The following DNER variants were observed in gnomAD, a reference collection of about 807,000 sequenced individuals.
DNER encodes delta/notch like EGF repeat containing, also known as delta and Notch-like epidermal growth factor-related receptor.
Under a neutral mutation model 78.2 loss-of-function variants are expected in DNER, and 33 were observed. The observed-to-expected ratio is 0.42, with a 90% CI of 0.32 to 0.56. The LOEUF (loss-of-function observed/expected upper bound fraction) is 0.56, where lower values mean the gene tolerates loss of function less well. DNER is among the 20% of genes least tolerant of loss of function. The pLI is 0.11. For missense variants in DNER, 918 were observed against 975.3 expected (o/e 0.94, Z 0.78); for synonymous variants, 417 against 384.8 (o/e 1.08, Z -0.98).
intron 1 of DNER, among the ~76,000 whole-genome samples, chr2:229,665,281 C>A (rs1431388421): frequency 1.3e-5 from 2 of 151,970 alleles, no homozygotes; most frequent in African/African-American, 4.8e-5. Context: ...AATTAAAGGA[C>A]CCAGCAGAAA....
chr2:229,498,642 A>G (rs1559149262), intron 6 of DNER, among the ~76,000 whole-genome samples: 1 of 152,210 alleles, frequency 6.6e-6, no homozygotes, highest in African/African-American at 2.4e-5. Flanking sequence ...TAAAAAATAA[A>G]TGAAGTAAAC....
chr2:229,659,669 G>A (rs2154216517), intron 1 of DNER, among the ~76,000 whole-genome samples: 1 of 152,198 alleles, frequency 6.6e-6, no homozygotes, highest in Non-Finnish European at 1.5e-5. Flanking sequence ...ATTTGATGAT[G>A]TTCAAAAGCA....
At chr2:229,409,150 G>A (rs1337365535) in intron 9 of DNER, among the ~76,000 whole-genome samples, 1 of 152,192 alleles carries the variant, frequency 6.6e-6, no homozygotes, top group Non-Finnish European at 1.5e-5. Context: ...TCTCCCAGGA[G>A]TCTCTTATTT....
At chr2:229,448,004 A>C (rs1694374688) in intron 7 of DNER, among the ~76,000 whole-genome samples, 1 of 152,196 alleles carries the variant, frequency 6.6e-6, no homozygotes, top group Non-Finnish European at 1.5e-5. Context: ...CAAAAAATTA[A>C]AACCATATCA....
chr2:229,551,933 A>AAAAT (rs540078336), intron 4 of DNER, among the ~76,000 whole-genome samples: 2,340 of 151,662 alleles, frequency 0.015, 57 homozygotes, highest in African/African-American at 0.047. Context: ...TCCATCTCAA[A>AAAAT]AAATAAATAA....
intron 1 of DNER, among the ~76,000 whole-genome samples, chr2:229,616,921 G>T (rs13421700): frequency 0.13 from 20,113 of 152,208 alleles, 1,668 homozygotes; most frequent in Non-Finnish European, 0.19. Context: ...GTCTGCTACA[G>T]GTTGCTCTGG....
chr2:229,632,892 G>A (rs895108354), intron 1 of DNER, among the ~76,000 whole-genome samples: 1 of 151,992 alleles, frequency 6.6e-6, no homozygotes, highest in East Asian at 1.9e-4. Context: ...AAAAGCTCAA[G>A]TTTACCAGTA....
chr2:229,402,361 A>G (rs1489877460), intron 10 of DNER, among the ~76,000 whole-genome samples: 1 of 152,246 alleles, frequency 6.6e-6, no homozygotes, highest in East Asian at 1.9e-4. Flanking sequence ...GTAAAGACAT[A>G]TGAAGAGCAA....
chr2:229,627,799 G>A (rs7570081), intron 1 of DNER, among the ~76,000 whole-genome samples: 31,752 of 152,074 alleles, frequency 0.21, 3,979 homozygotes, highest in African/African-American at 0.33. Flanking sequence ...AGAAGAGCTA[G>A]GAACCCCAGG....
intron 1 of DNER, among the ~76,000 whole-genome samples, chr2:229,676,909 T>C (rs544917085): frequency 6.6e-6 from 1 of 152,178 alleles, no homozygotes; most frequent in African/African-American, 2.4e-5. Flanking sequence ...GTTCTTTGAT[T>C]CTGGTGGGTG....
intron 8 of DNER, among the ~76,000 whole-genome samples, chr2:229,434,110 A>G (rs1264780509): frequency 1.3e-5 from 2 of 152,186 alleles, no homozygotes; most frequent in African/African-American, 4.8e-5. Context: ...GTGATGGAAA[A>G]CAAAATACTG....
At chr2:229,397,801 A>C (rs1333674787) in intron 10 of DNER, among the ~76,000 whole-genome samples, 2 of 152,208 alleles carry the variant, frequency 1.3e-5, no homozygotes, top group Non-Finnish European at 1.5e-5. Flanking sequence ...ATCTAAAGGG[A>C]CATTAAAAAT....
intron 7 of DNER, among the ~76,000 whole-genome samples, chr2:229,460,018 G>T (rs780128487): frequency 6.6e-6 from 1 of 151,652 alleles, no homozygotes; most frequent in South Asian, 2.1e-4. Flanking sequence ...TTAGCTGGGC[G>T]TGGTGGGGGG....
At chr2:229,517,650 C>CCGCA (rs1031596382) in intron 5 of DNER, among the ~76,000 whole-genome samples, 2 of 152,176 alleles carry the variant, frequency 1.3e-5, no homozygotes, top group Non-Finnish European at 2.9e-5. Context: ...ACTGGGCGTG[C>CCGCA]CGTCAAATCC....
intron 8 of DNER, among the ~76,000 whole-genome samples, chr2:229,443,580 G>A (rs762803710): frequency 2.0e-5 from 3 of 152,154 alleles, no homozygotes; most frequent in Non-Finnish European, 4.4e-5. Flanking sequence ...AGCTACAAAC[G>A]AAGTTTGAAA....
At chr2:229,443,948 C>G (rs1694286673) in intron 8 of DNER, among the ~76,000 whole-genome samples, 2 of 152,174 alleles carry the variant, frequency 1.3e-5, no homozygotes, top group Admixed American at 6.5e-5. Context: ...GAAGAAACAT[C>G]CCCTCTGAAG....
At chr2:229,487,322 C>T (rs1230654090) in intron 6 of DNER, among the ~76,000 whole-genome samples, 1 of 152,226 alleles carries the variant, frequency 6.6e-6, no homozygotes, top group Non-Finnish European at 1.5e-5. Flanking sequence ...CTAATAACTG[C>T]ATAAGCACCA....
chr2:229,565,083 G>C (rs554970119), intron 4 of DNER, among the ~76,000 whole-genome samples: 1 of 152,004 alleles, frequency 6.6e-6, no homozygotes, highest in African/African-American at 2.4e-5. Context: ...CCTCATATTC[G>C]GTGTTAGGAT....
intron 10 of DNER, among the ~76,000 whole-genome samples, chr2:229,391,057 C>A (rs947644485): frequency 6.6e-6 from 1 of 152,142 alleles, no homozygotes; most frequent in African/African-American, 2.4e-5. Flanking sequence ...TGGAGCCCCT[C>A]AAGGGAGTTT....
Sources: gnomAD v4.1 joint callset for allele counts (sites outside exome capture counted in the v4.1 genomes callset) on GRCh38, gnomAD v4.1.1 for gene constraint, MANE v1.5 for transcripts, NCBI Gene and HGNC (gene_info 2026-07-23, HGNC 2026-07-21) for gene names.